Variants in GTSF1 observed in about 807,000 individuals in gnomAD.
The protein encoded by GTSF1 is gametocyte-specific factor 1.
GTSF1 carries 11 observed loss-of-function variants against 28.9 expected under a neutral mutation model. The observed-to-expected ratio is 0.38, with a 90% CI of 0.24 to 0.63. The LOEUF is 0.63. Among genes scored for constraint, GTSF1 ranks in the 30% least tolerant of loss-of-function variants. The pLI is 0.56. For synonymous variants in GTSF1, 69 were observed against 65.6 expected, an observed-to-expected ratio of 1.05 and a Z score of -0.25; for missense variants, 146 against 201.0, an observed-to-expected ratio of 0.73 and a Z score of 1.66.
chr12:54,465,081 T>C lies in GTSF1; in HGVS notation c.103A>G (p.Ile35Val). 1.2e-6 allele frequency: 2 copies of C among 1,612,668 alleles called. No individual in the cohort carries two copies. The highest frequency in any genetic ancestry group is 8.5e-7 in the Non-Finnish European group (1 of 1,178,936). The change falls in exon 3 of 9, where the codon ATC (isoleucine) becomes GTC (valine). Residue 35 changes from isoleucine to valine, a missense_variant. Coordinates refer to ENST00000305879, the MANE Select transcript of GTSF1 (RefSeq NM_144594.3). ...TATGACCCTACCTTTCTGCACTTGA[T>C]AAGATGATAAGGAAACCTGCAAGCC... The part of the protein sequence containing the change: ...IRACRFPYHL[I>V]KCRKNHPDVA...
intron 6 of GTSF1, among the ~76,000 whole-genome samples, chr12:54,461,860 A>G (rs1017266738): frequency 1.1e-4 from 16 of 152,238 alleles, no homozygotes; most frequent in African/African-American, 3.9e-4. Flanking sequence ...AAGACACATG[A>G]AAGTCTGGGG....
chr12:54,457,712 T>C (rs145570633), intron 8 of GTSF1, among the ~76,000 whole-genome samples: 27 of 152,346 alleles, frequency 1.8e-4, no homozygotes, highest in African/African-American at 6.5e-4. Flanking sequence ...TGTCTCAGCC[T>C]CTCAAGTAGC....
At chr12:54,470,938 T>C (rs1018888212) in intron 2 of GTSF1, among the ~76,000 whole-genome samples, 16 of 152,168 alleles carry the variant, frequency 1.1e-4, no homozygotes, top group African/African-American at 3.6e-4. Context: ...CTCCTCAAAA[T>C]AGAAAGTAGA....
At chr12:54,460,083 C>T (rs898965288) in intron 7 of GTSF1, among the ~76,000 whole-genome samples, 2 of 152,190 alleles carry the variant, frequency 1.3e-5, no homozygotes, top group African/African-American at 4.8e-5. Flanking sequence ...AATCATTAAC[C>T]TTTTTATTGG....
chr12:54,465,619 C>A (rs760416494), intron 2 of GTSF1, among the ~76,000 whole-genome samples: 6 of 151,974 alleles, frequency 3.9e-5, no homozygotes, highest in Admixed American at 6.6e-5. Flanking sequence ...CATCCCCTAC[C>A]CCCCATTTCC....
At chr12:54,467,344 TCTCA>T (rs1051621138) in intron 2 of GTSF1, among the ~76,000 whole-genome samples, 18 of 149,870 alleles carry the variant, frequency 1.2e-4, no homozygotes, top group African/African-American at 4.2e-4. Context: ...TGAGACGGAG[TCTCA>T]CTGTTATCCA....
intron 6 of GTSF1, 67 bp downstream of exon 6, chr12:54,462,042 G>T: frequency 1.7e-6 from 2 of 1,151,328 alleles, no homozygotes; most frequent in Non-Finnish European, 2.6e-6. Flanking sequence ...ATGCTCCGGT[G>T]GCTTCTCTTG....
At chr12:54,459,224 C>A in intron 7 of GTSF1, 99 bp from the exon 8 acceptor site, 1 of 1,451,030 alleles carries the variant, frequency 6.9e-7, no homozygotes, top group South Asian at 1.4e-5. Context: ...CCTGTGTATA[C>A]TGAATTATAA....
At chr12:54,458,037 C>T (rs897866772) in intron 8 of GTSF1, among the ~76,000 whole-genome samples, 5 of 152,204 alleles carry the variant, frequency 3.3e-5, no homozygotes, top group African/African-American at 1.2e-4. Context: ...AGTGAACAGA[C>T]TGGAATGCAA....
chr12:54,462,153 G>A lies in GTSF1; in HGVS notation c.348C>T (p.Ser116=), dbSNP rs73308573. ...DWDKDLWEQT[S]TPFVWGTTHY... is the part of the protein sequence containing the mutation. ...GAGTTGTGCCCCAGACAAATGGGGT[G>A]CTGGTCTGCTCCCACAAATCTGTTA... Residue 116 remains serine (S), a synonymous_variant, in exon 6 of 9, where the codon AGC becomes AGT. Coordinates refer to ENST00000305879, the MANE Select transcript of GTSF1 (RefSeq NM_144594.3). The A allele has an allele frequency of 1.3e-3, 2,030 of 1,613,374 alleles. 26 individuals are homozygous for A. The African/African-American group carries it at 0.024, about 19-fold the overall frequency.
chr12:54,468,953 G>A (rs994895625), intron 2 of GTSF1: 4 of 152,156 alleles, frequency 2.6e-5, no homozygotes, highest in African/African-American at 9.7e-5. Flanking sequence ...AAAAAATGTG[G>A]CTGAAAAAAG....
chr12:54,461,011 T>A (rs1455080111), intron 6 of GTSF1, among the ~76,000 whole-genome samples: 1 of 152,236 alleles, frequency 6.6e-6, no homozygotes, highest in African/African-American at 2.4e-5. Context: ...TTCCTTCATT[T>A]CCTAAACCAG....
chr12:54,459,691 T>A, intron 7 of GTSF1: 1 of 207,214 alleles, frequency 4.8e-6, no homozygotes, highest in Non-Finnish European at 9.8e-6. Flanking sequence ...ACAATCCAAT[T>A]TCTGATCCCA....
In GTSF1 at chr12:54,459,520, T is replaced by C. The variant is rs117423875; in HGVS notation, c.488-395A>G. On this transcript the variant is annotated intron_variant, in intron 7 of 8. Transcript: ENST00000305879. ...ATGACAGTATCTTGGGTGTTCTCTA[T>C]GTGGAAATTTCATTATGACGGTAAT... 6 of 1,123,400 alleles carry C rather than the reference T, an allele frequency of 5.3e-6. No individual in the cohort carries two copies. The East Asian group carries it at 2.9e-4, about 54-fold the overall frequency. The allele number at this position is 1,123,400 out of a possible 1,614,324, so 69.6% of individuals were successfully genotyped here.
At chr12:54,456,882 C>T (rs1045720525) in intron 8 of GTSF1, among the ~76,000 whole-genome samples, 6 of 152,072 alleles carry the variant, frequency 3.9e-5, no homozygotes, top group Non-Finnish European at 7.4e-5. Context: ...GTCAGGAGTT[C>T]GAGACTGGCC....
At chr12:54,464,483 T>A (rs1956477549) in intron 3 of GTSF1, among the ~76,000 whole-genome samples, 1 of 152,164 alleles carries the variant, frequency 6.6e-6, no homozygotes, top group Non-Finnish European at 1.5e-5. Flanking sequence ...GGCTTCTGTA[T>A]CAGAATTCTA....
intron 2 of GTSF1, 96 bp downstream of exon 2, chr12:54,471,137 G>A (rs1956588455): frequency 1.1e-6 from 1 of 922,132 alleles, no homozygotes; most frequent in African/African-American, 1.7e-5. Flanking sequence ...CAGTTGAGAA[G>A]TCCGACTTCT....
chr12:54,459,795 C>T (rs1346458086), intron 7 of GTSF1, among the ~76,000 whole-genome samples: 1 of 113,984 alleles, frequency 8.8e-6, no homozygotes, highest in East Asian at 2.3e-4. Flanking sequence ...GGCGGGATCT[C>T]GGCTCACTGC....
At chr12:54,465,238 A>G (rs1956492196) in intron 2 of GTSF1, 71 bp from the exon 3 acceptor site, 2 of 1,001,846 alleles carry the variant, frequency 2.0e-6, no homozygotes, top group African/African-American at 1.6e-5. Flanking sequence ...TTCCAGGCAC[A>G]CTGGATTTTT....
Sources: allele counts gnomAD v4.1 joint callset (sites outside exome capture counted in the v4.1 genomes callset), GRCh38; gene constraint gnomAD v4.1.1; transcripts MANE v1.5; gene names NCBI Gene and HGNC (gene_info 2026-07-23, HGNC 2026-07-21).